The following KCNQ3 variants were observed in gnomAD, a reference collection of about 807,000 sequenced individuals.
KCNQ3 encodes potassium voltage-gated channel subfamily KQT member 3.
Under a neutral mutation model 92.5 loss-of-function variants are expected in KCNQ3, and 30 were observed. That is an observed-to-expected ratio of 0.32 (90% CI 0.24 to 0.44). The LOEUF is 0.44. Among genes scored for constraint, KCNQ3 ranks in the 20% least tolerant of loss-of-function variants. The pLI is 1.00. For synonymous variants in KCNQ3, 450 were observed against 468.8 expected (o/e 0.96, Z 0.52); for missense variants, 913 against 1,140.3 (o/e 0.80, Z 2.87).
intron 1 of KCNQ3, among the ~76,000 whole-genome samples, chr8:132,382,166 C>G (rs1018564630): frequency 1.3e-5 from 2 of 152,206 alleles, no homozygotes; most frequent in Admixed American, 6.5e-5. Flanking sequence ...AATTTGCATG[C>G]TGACATGGTC....
At chr8:132,372,932 G>A (rs1181274146) in intron 1 of KCNQ3, among the ~76,000 whole-genome samples, 2 of 152,086 alleles carry the variant, frequency 1.3e-5, no homozygotes, top group South Asian at 2.1e-4. Context: ...CCCTGTGAAC[G>A]TTAGCATGGT....
At chr8:132,362,133 C>T (rs1157313994) in intron 1 of KCNQ3, among the ~76,000 whole-genome samples, 1 of 151,702 alleles carries the variant, frequency 6.6e-6, no homozygotes, top group Non-Finnish European at 1.5e-5. Context: ...CTGCATGTGG[C>T]TTGACGATTT....
intron 1 of KCNQ3, among the ~76,000 whole-genome samples, chr8:132,449,482 C>T (rs1239543674): frequency 6.6e-6 from 1 of 152,096 alleles, no homozygotes; most frequent in African/African-American, 2.4e-5. Flanking sequence ...CCTACTCTGC[C>T]TCTCATGGTT....
At chr8:132,132,327 C>T (rs968046027) in intron 13 of KCNQ3, 63 bp from the exon 14 acceptor site, 14 of 1,366,868 alleles carry the variant, frequency 1.0e-5, no homozygotes, top group Non-Finnish European at 1.4e-5. Context: ...AAGGTAATTT[C>T]GGCTAGGCAG....
chr8:132,184,500 G>GGTTGGGGT, intron 2 of KCNQ3, 133 bp from the exon 3 acceptor site: 1 of 940,410 alleles, frequency 1.1e-6, no homozygotes, highest in Non-Finnish European at 1.7e-6. Context: ...AGGGATGGCT[G>GGTTGGGGT]GGGATGGGGG....
chr8:132,368,600 C>T (rs186262277), intron 1 of KCNQ3, among the ~76,000 whole-genome samples: 110 of 152,068 alleles, frequency 7.2e-4, no homozygotes, highest in African/African-American at 2.4e-3. Flanking sequence ...CTGCACTGAG[C>T]TGTGATTGTG....
At chr8:132,340,232 A>T (rs1386162454) in intron 1 of KCNQ3, among the ~76,000 whole-genome samples, 1 of 152,220 alleles carries the variant, frequency 6.6e-6, no homozygotes, top group Non-Finnish European at 1.5e-5. Context: ...AACCAGAAAT[A>T]CTATTTGACC....
In KCNQ3 at chr8:132,380,956, C is replaced by T. The variant is rs1239031307; in HGVS notation, c.386+99191G>A. 2.7e-5 allele frequency among the ~76,000 whole-genome samples: 4 copies of T among 146,758 alleles called. No homozygotes were observed. The South Asian group carries it at 8.6e-4, about 32-fold the overall frequency. ...GAAAAAAAAAAAAAAAAAAAACAAC[C>T]TTGGAAGAGGAGAAGGGCATGGTGC... is the stretch of plus-strand genomic sequence containing the variant. On this transcript the variant is annotated intron_variant, in intron 1 of 14. Transcript: ENST00000388996.
intron 1 of KCNQ3, among the ~76,000 whole-genome samples, chr8:132,350,586 G>A (rs60684301): frequency 0.072 from 10,992 of 152,188 alleles, 448 homozygotes; most frequent in South Asian, 0.16. Context: ...CCAGGCAAGC[G>A]GGGCTCTTTC....
chr8:132,229,083 G>A lies in KCNQ3; in HGVS notation c.387-42902C>T, dbSNP rs144427186. Among the ~76,000 whole-genome samples, 308 of 152,154 alleles carry A rather than the reference G, an allele frequency of 2.0e-3. 1 individual carries two copies. The highest frequency in any genetic ancestry group is 7.1e-3 in the African/African-American group (294 of 41,526). On this transcript the variant is annotated intron_variant, in intron 1 of 14. Transcript: ENST00000388996. ...ATCCTGGCCAACATGGTGAAACCCC[G>A]TCTCTACTAAAAATACAGAAATTAG...
chr8:132,231,464 G>A (rs879558023), intron 1 of KCNQ3, among the ~76,000 whole-genome samples: 6 of 152,152 alleles, frequency 3.9e-5, no homozygotes, highest in Non-Finnish European at 7.4e-5. Flanking sequence ...ATAGGGATTT[G>A]GGGGGCAGTT....
At chr8:132,382,221 G>A (rs145235642) in intron 1 of KCNQ3, among the ~76,000 whole-genome samples, 7 of 152,296 alleles carry the variant, frequency 4.6e-5, no homozygotes, top group East Asian at 1.9e-4. Context: ...TGTGATCCCC[G>A]GTGTTGGAAG....
chr8:132,139,106 C>A (rs1364381798), intron 11 of KCNQ3, among the ~76,000 whole-genome samples: 2 of 152,138 alleles, frequency 1.3e-5, no homozygotes, highest in Non-Finnish European at 2.9e-5. Flanking sequence ...ACCTATGGAC[C>A]AGGAAGCCTA....
rs116593847 is a variant in KCNQ3 at position 132,138,173 on chromosome 8, G to A, written c.1569-157C>T. ...ACGTTTGGTTCTGGTTCTACCCCTT[G>A]GAACACACAGAGTTAGTACATCTCC... On this transcript the variant is annotated intron_variant, in intron 11 of 14. Coordinates refer to ENST00000388996, the MANE Select transcript of KCNQ3 (RefSeq NM_004519.4). Among the ~76,000 whole-genome samples, 2,216 of 152,194 alleles carry A rather than the reference G, an allele frequency of 0.015. 65 individuals carry two copies. Among genetic ancestry groups the A allele is most frequent in the African/African-American group, 0.05 (2,094 of 41,504 alleles).
intron 1 of KCNQ3, among the ~76,000 whole-genome samples, chr8:132,447,575 G>A (rs1158504584): frequency 1.3e-5 from 2 of 152,120 alleles, no homozygotes; most frequent in African/African-American, 4.8e-5. Context: ...GGGAGAGAGA[G>A]AAGAAGAAAA....
At position 132,462,179 on chromosome 8, in the gene KCNQ3, G is replaced by GTATTTATT. The variant is rs67201471; in HGVS notation, c.386+17960_386+17967dup. ...ACCACTGAATTGTACATTTATTTAT[G>GTATTTATT]TATTTATTTATTTATTTATTTATTT... is the stretch of plus-strand genomic sequence containing the variant. On this transcript the variant is annotated intron_variant, in intron 1 of 14. Transcript: ENST00000388996. 3.0e-3 allele frequency among the ~76,000 whole-genome samples: 444 copies of GTATTTATT among 150,012 alleles called. 3 individuals carry two copies. Among genetic ancestry groups the GTATTTATT allele is most frequent in the African/African-American group, 9.2e-3 (377 of 40,794 alleles).
chr8:132,165,307 G>T (rs1017666164), intron 8 of KCNQ3, among the ~76,000 whole-genome samples: 1 of 152,224 alleles, frequency 6.6e-6, no homozygotes, highest in African/African-American at 2.4e-5. Flanking sequence ...AAGGACCAGT[G>T]CAGTTGACCT....
chr8:132,399,322 G>T (rs1269241674), intron 1 of KCNQ3, among the ~76,000 whole-genome samples: 34 of 152,134 alleles, frequency 2.2e-4, no homozygotes, highest in Admixed American at 2.2e-3. Flanking sequence ...CATTTTTGCA[G>T]CTCTCACAGA....
At chr8:132,134,567 G>A (rs532919779) in intron 12 of KCNQ3, among the ~76,000 whole-genome samples, 179 bp from the exon 13 acceptor site, 2 of 151,332 alleles carry the variant, frequency 1.3e-5, no homozygotes, top group African/African-American at 4.8e-5. Flanking sequence ...GAGGAGAGGG[G>A]AGGAGAGGAG....
Sources: allele counts gnomAD v4.1 joint callset (sites outside exome capture counted in the v4.1 genomes callset), GRCh38; gene constraint gnomAD v4.1.1; transcripts MANE v1.5; gene names NCBI Gene and HGNC (gene_info 2026-07-23, HGNC 2026-07-21).